The following DLG2 variants were observed in gnomAD, a reference collection of about 807,000 sequenced individuals.
The protein encoded by DLG2 is disks large homolog 2.
DLG2 carries 45 observed loss-of-function variants against 132.5 expected under a neutral mutation model. The ratio of observed to expected loss-of-function variants is 0.34; its 90% CI spans 0.27 to 0.44. The LOEUF (loss-of-function observed/expected upper bound fraction) is 0.44, where lower values mean the gene tolerates loss of function less well. Among genes scored for constraint, DLG2 ranks in the 20% least tolerant of loss-of-function variants. The pLI is 1.00. For missense variants in DLG2, 1,045 were observed against 1,196.9 expected (o/e 0.87, Z 1.87); for synonymous variants, 424 against 419.6 (o/e 1.01, Z -0.13).
At chr11:84,600,013 C>G (rs1449608654) in intron 6 of DLG2, among the ~76,000 whole-genome samples, 2 of 144,564 alleles carry the variant, frequency 1.4e-5, no homozygotes, top group Admixed American at 7.0e-5. Context: ...TCACCTGAGC[C>G]CTGCGAGGCT....
chr11:85,349,646 G>C (rs1179049891), intron 3 of DLG2, among the ~76,000 whole-genome samples: 2 of 152,060 alleles, frequency 1.3e-5, no homozygotes, highest in African/African-American at 4.8e-5. Context: ...CCACCTATAA[G>C]TGATAACATG....
chr11:84,234,777 G>A (rs1024081195), intron 8 of DLG2, among the ~76,000 whole-genome samples: 16 of 152,136 alleles, frequency 1.1e-4, no homozygotes, highest in Admixed American at 3.9e-4. Flanking sequence ...ACATGACAGA[G>A]AGCAGGCCCT....
At chr11:83,982,819 G>A (rs541257275) in intron 11 of DLG2, among the ~76,000 whole-genome samples, 35 of 152,134 alleles carry the variant, frequency 2.3e-4, no homozygotes, top group African/African-American at 7.2e-4. Flanking sequence ...CAGATGTACC[G>A]TTGTTTATCT....
chr11:84,157,652 T>C lies in DLG2; in HGVS notation c.624+5809A>G, dbSNP rs77200981. 7.0e-3 allele frequency among the ~76,000 whole-genome samples: 1,062 copies of C among 152,334 alleles called. 6 individuals carry two copies. The highest frequency in any genetic ancestry group is 0.011 in the Non-Finnish European group (776 of 68,022). ...CACCTCTCATAAGCCAGCTCAGTTA[T>C]GATGCCTCAGGAAATTACTTCATGC... On this transcript the variant is annotated intron_variant, in intron 9 of 27. Transcript: ENST00000376104.
chr11:83,832,523 A>T (rs184403972), intron 17 of DLG2, among the ~76,000 whole-genome samples: 1 of 152,164 alleles, frequency 6.6e-6, no homozygotes, highest in East Asian at 1.9e-4. Flanking sequence ...CAAATACCAC[A>T]TGTTCTTACT....
chr11:85,376,777 A>G (rs2085437053), intron 3 of DLG2, among the ~76,000 whole-genome samples: 1 of 152,198 alleles, frequency 6.6e-6, no homozygotes, highest in South Asian at 2.1e-4. Context: ...AACCAACTTC[A>G]TCATGATAAG....
At chr11:85,341,417 G>C (rs1341759529) in intron 3 of DLG2, among the ~76,000 whole-genome samples, 1 of 152,206 alleles carries the variant, frequency 6.6e-6, no homozygotes, top group Non-Finnish European at 1.5e-5. Flanking sequence ...ACCGTGCCTA[G>C]CTGAAGTATG....
intron 14 of DLG2, among the ~76,000 whole-genome samples, chr11:83,941,432 C>T (rs1170125131): frequency 6.6e-6 from 1 of 151,704 alleles, no homozygotes; most frequent in Non-Finnish European, 1.5e-5. Context: ...TGCTCTGTCA[C>T]CCAGGCTGGC....
At chr11:85,442,602 C>T (rs2091837004) in intron 3 of DLG2, among the ~76,000 whole-genome samples, 1 of 152,066 alleles carries the variant, frequency 6.6e-6, no homozygotes, top group South Asian at 2.1e-4. Context: ...TGGCTCGTGC[C>T]TGTAATCCCA....
At chr11:84,523,102 T>A (rs17734872) in intron 7 of DLG2, among the ~76,000 whole-genome samples, 7,834 of 152,228 alleles carry the variant, frequency 0.051, 232 homozygotes, top group South Asian at 0.079. Flanking sequence ...GGATGAGGAT[T>A]TAACAATTTC....
At chr11:85,540,397 A>G (rs1003124608) in intron 3 of DLG2, among the ~76,000 whole-genome samples, 7 of 152,214 alleles carry the variant, frequency 4.6e-5, no homozygotes, top group Non-Finnish European at 1.0e-4. Context: ...CAGGCCATCA[A>G]TGGTGGGACC....
chr11:85,431,251 G>A (rs902269159), intron 3 of DLG2, among the ~76,000 whole-genome samples: 2 of 152,110 alleles, frequency 1.3e-5, no homozygotes, highest in Non-Finnish European at 2.9e-5. Context: ...TGACAGCTAG[G>A]GTGACCCACA....
intron 21 of DLG2, among the ~76,000 whole-genome samples, chr11:83,521,227 CA>C (rs1364109673): frequency 6.6e-6 from 1 of 152,192 alleles, no homozygotes; most frequent in East Asian, 1.9e-4. Flanking sequence ...CTTTATTTAT[CA>C]AATGGGTAAG....
chr11:85,133,910 C>G (rs968158277), intron 5 of DLG2, among the ~76,000 whole-genome samples: 1 of 152,056 alleles, frequency 6.6e-6, no homozygotes, highest in African/African-American at 2.4e-5. Context: ...AAGCATCACT[C>G]TGGATAATAA....
chr11:85,062,510 CT>C (rs1185767478), intron 6 of DLG2, among the ~76,000 whole-genome samples: 1 of 150,060 alleles, frequency 6.7e-6, no homozygotes. Context: ...AATATTTTAT[CT>C]TTATAAGATA....
intron 3 of DLG2, among the ~76,000 whole-genome samples, chr11:85,492,122 C>T (rs1392197293): frequency 1.3e-5 from 2 of 151,980 alleles, no homozygotes; most frequent in African/African-American, 2.4e-5. Context: ...AGTGTAGTCA[C>T]TACAAAAAAA....
At chr11:85,453,212 A>G in intron 3 of DLG2, 1 of 376,920 alleles carries the variant, frequency 2.7e-6, no homozygotes, top group Non-Finnish European at 4.6e-6. Flanking sequence ...GGGAGATAAC[A>G]GCATCCAAAT....
rs142482754 is a variant in DLG2, at chr11:83,822,809, G to A, written c.1722+10805C>T. ...TATAAGTTACCTGGAACTGACGTCT[G>A]TTGTCTGGAGTCAAGAACTCCAGGA... On this transcript the variant is annotated intron_variant, in intron 17 of 27. Coordinates refer to ENST00000376104, the MANE Select transcript of DLG2 (RefSeq NM_001142699.3). Among the ~76,000 whole-genome samples the A allele has an allele frequency of 6.1e-3, 933 of 152,146 alleles. 10 individuals carry two copies. Among genetic ancestry groups the A allele is most frequent in the Middle Eastern group, 0.02 (6 of 294 alleles).
intron 7 of DLG2, among the ~76,000 whole-genome samples, chr11:84,333,107 T>G (rs1441337432): frequency 6.6e-6 from 1 of 152,210 alleles, no homozygotes; most frequent in African/African-American, 2.4e-5. Flanking sequence ...GCTGTTCACA[T>G]GCAAAGTCCC....
Sources: allele counts gnomAD v4.1 joint callset (sites outside exome capture counted in the v4.1 genomes callset), GRCh38; gene constraint gnomAD v4.1.1; transcripts MANE v1.5; gene names NCBI Gene and HGNC (gene_info 2026-07-23, HGNC 2026-07-21).